The following CCT2 variants were observed in gnomAD, a reference collection of about 807,000 sequenced individuals.
CCT2 encodes the protein T-complex protein 1 subunit beta.
A neutral mutation model predicts 61.8 loss-of-function variants in CCT2; 18 were observed. The observed-to-expected ratio is 0.29, with a 90% CI of 0.20 to 0.43. The LOEUF (loss-of-function observed/expected upper bound fraction) is 0.43. Ranked by LOEUF, CCT2 falls within the 20% of genes least tolerant of loss-of-function variation. The pLI is 1.00. For synonymous variants in CCT2, 248 were observed against 215.9 expected (o/e 1.15, Z -1.30); for missense variants, 556 against 656.9 (o/e 0.85, Z 1.68).
intron 14 of CCT2, 73 bp from the exon 15 acceptor site, chr12:69,599,790 T>C: frequency 7.9e-7 from 1 of 1,258,084 alleles, no homozygotes; most frequent in East Asian, 2.5e-5. Context: ...GATTAATTTT[T>C]ATTATAAATC....
intron 14 of CCT2, among the ~76,000 whole-genome samples, chr12:69,599,107 A>G (rs1882077623): frequency 6.6e-6 from 1 of 152,308 alleles, no homozygotes; most frequent in South Asian, 2.1e-4. Context: ...TATAACTGAC[A>G]CAATGGTCTT....
chr12:69,598,124 T>A (rs775929492), intron 13 of CCT2, 53 bp downstream of exon 13: 191 of 1,339,120 alleles, frequency 1.4e-4, no homozygotes, highest in Non-Finnish European at 1.9e-4. Flanking sequence ...TTATTGATAG[T>A]TTTAAAATGA....
intron 6 of CCT2, among the ~76,000 whole-genome samples, chr12:69,588,845 T>A (rs1881747472): frequency 6.6e-6 from 1 of 152,220 alleles, no homozygotes; most frequent in South Asian, 2.1e-4. Flanking sequence ...GCCAAAAAGG[T>A]CCGGGACCAC....
At chr12:69,590,268 A>G (rs1881795226) in intron 7 of CCT2, among the ~76,000 whole-genome samples, 1 of 152,158 alleles carries the variant, frequency 6.6e-6, no homozygotes, top group South Asian at 2.1e-4. Context: ...GAACTTAAGT[A>G]TGTGGGGATT....
Position 69,585,477 on chromosome 12 carries a change from A to T in CCT2, c.-45A>T, listed in dbSNP as rs772528559. 1.3e-5 allele frequency: 20 copies of T among 1,556,038 alleles called. No homozygotes were observed. The highest frequency in any genetic ancestry group is 1.7e-5 in the Non-Finnish European group (19 of 1,149,036). ...TTCCTTCAGTCCGCTGGTCCCGAGCACGAGCTGTGAGGGGATTCACTTGTG... is the reference window on the plus strand; with the variant it reads ...TTCCTTCAGTCCGCTGGTCCCGAGCTCGAGCTGTGAGGGGATTCACTTGTG... On this transcript the variant is annotated 5_prime_UTR_variant, in exon 1 of 16. Coordinates refer to ENST00000299300, the MANE Select transcript of CCT2 (RefSeq NM_006431.3).
In CCT2 at chr12:69,592,039, TG is replaced by T. The variant is rs748203667; in HGVS notation, c.650-19del. 13 of 1,333,236 alleles carry T rather than the reference TG, an allele frequency of 9.8e-6. No individual in the cohort carries two copies. Among genetic ancestry groups the T allele is most frequent in the Middle Eastern group, 1.8e-4 (1 of 5,530 alleles). 82.6% of individuals were successfully genotyped at this position (1,333,236 alleles called of 1,614,324 possible). Reference sequence around the variant, plus strand: ...TGCTTTGAAGTATTAAATATGATACTGTTCTTATATTTATTGTAGGCTTCCT... The same window carrying T: ...TGCTTTGAAGTATTAAATATGATACTTTCTTATATTTATTGTAGGCTTCCT... On this transcript the variant is annotated intron_variant, in intron 7 of 15. Coordinates refer to ENST00000299300, the MANE Select transcript of CCT2 (RefSeq NM_006431.3).
intron 14 of CCT2, 116 bp from the exon 15 acceptor site, chr12:69,599,747 T>G: frequency 5.1e-6 from 4 of 785,984 alleles, no homozygotes; most frequent in Non-Finnish European, 7.8e-6. Flanking sequence ...ACCTACTGAG[T>G]AAAGTAGTTG....
chr12:69,601,259 C>A (rs11177742), intron 15 of CCT2, 36 bp from the exon 16 acceptor site: 312,685 of 1,544,236 alleles, frequency 0.2, 32,928 homozygotes, highest in Middle Eastern at 0.3. Flanking sequence ...TCATGCTCTT[C>A]ATTTTTCACT....
At chr12:69,596,575 C>T (rs1474390747) in intron 10 of CCT2, among the ~76,000 whole-genome samples, 1 of 152,074 alleles carries the variant, frequency 6.6e-6, no homozygotes, top group African/African-American at 2.4e-5. Context: ...TCTTAGTATG[C>T]ATTTCTTGTT....
intron 14 of CCT2, 52 bp from the exon 15 acceptor site, chr12:69,599,811 T>C: frequency 3.4e-6 from 5 of 1,450,834 alleles, no homozygotes; most frequent in Non-Finnish European, 4.8e-6. Flanking sequence ...ATTAGAGATG[T>C]TTTGATACTT....
intron 7 of CCT2, among the ~76,000 whole-genome samples, chr12:69,591,423 G>A (rs1168204553): frequency 6.6e-6 from 1 of 151,960 alleles, no homozygotes; most frequent in East Asian, 1.9e-4. Context: ...GCATGATCAG[G>A]GTCAGATTTA....
At chr12:69,592,748 T>G (rs938947638) in intron 8 of CCT2, 18 of 362,250 alleles carry the variant, frequency 5.0e-5, no homozygotes, top group Middle Eastern at 8.2e-4. Flanking sequence ...TGTGAGATGG[T>G]GAAACCCTGT....
At chr12:69,589,714 G>T in intron 7 of CCT2, 27 bp downstream of exon 7, 1 of 1,559,102 alleles carries the variant, frequency 6.4e-7, no homozygotes, top group South Asian at 1.1e-5. Flanking sequence ...GATACAAGAA[G>T]CTTTGATTAG....
chr12:69,599,481 G>A (rs1014084034), intron 14 of CCT2, among the ~76,000 whole-genome samples: 26 of 152,082 alleles, frequency 1.7e-4, no homozygotes, highest in African/African-American at 6.3e-4. Flanking sequence ...TCTGCCTCCT[G>A]GGTTCAAGTG....
At chr12:69,597,064 A>G (rs1358801005) in intron 10 of CCT2, 92 bp from the exon 11 acceptor site, 8 of 1,165,236 alleles carry the variant, frequency 6.9e-6, no homozygotes, top group South Asian at 1.5e-5. Context: ...TGTGAAACAC[A>G]TTACCTATCA....
intron 10 of CCT2, 41 bp from the exon 11 acceptor site, chr12:69,597,115 A>G: frequency 6.3e-7 from 1 of 1,595,074 alleles, no homozygotes; most frequent in Non-Finnish European, 8.6e-7. Context: ...AGGAATTTTA[A>G]GCCTGCTGTG....
At chr12:69,586,913 A>T in intron 3 of CCT2, 95 bp downstream of exon 3, 1 of 746,476 alleles carries the variant, frequency 1.3e-6, no homozygotes, top group South Asian at 2.0e-5. Context: ...TTTAATCTTT[A>T]AAACGTTTAA....
intron 3 of CCT2, chr12:69,587,145 T>C (rs1379707870): frequency 3.1e-6 from 1 of 322,414 alleles, no homozygotes; most frequent in African/African-American, 2.1e-5. Context: ...TTTTTGTAGC[T>C]TGCTCTTTTA....
At chr12:69,594,168 T>C (rs1249605885) in intron 10 of CCT2, among the ~76,000 whole-genome samples, 2 of 152,146 alleles carry the variant, frequency 1.3e-5, no homozygotes, top group African/African-American at 4.8e-5. Context: ...TATATTTTTT[T>C]CTCACAAACC....
Sources: allele counts gnomAD v4.1 joint callset (sites outside exome capture counted in the v4.1 genomes callset), GRCh38; gene constraint gnomAD v4.1.1; transcripts MANE v1.5; gene names NCBI Gene and HGNC (gene_info 2026-07-23, HGNC 2026-07-21).